Variants in EXD3 observed in about 807,000 individuals in gnomAD.
The protein encoded by EXD3 is exonuclease 3'-5' domain containing 3, also known as exonuclease mut-7 homolog.
In EXD3, 92 loss-of-function variants were observed where a neutral mutation model predicts 98.0. The ratio of observed to expected loss-of-function variants is 0.94; its 90% CI spans 0.79 to 1.12. The LOEUF (loss-of-function observed/expected upper bound fraction) is 1.12, where lower values mean the gene tolerates loss of function less well. Among genes scored for constraint, EXD3 ranks in the 50% most tolerant of loss-of-function variants. The pLI is 0.00. For synonymous variants in EXD3, 569 were observed against 526.0 expected, an observed-to-expected ratio of 1.08 and a Z score of -1.12; for missense variants, 1,222 against 1,191.6, an observed-to-expected ratio of 1.03 and a Z score of -0.38.
At chr9:137,308,124 A>T (rs1227131467) in intron 20 of EXD3, among the ~76,000 whole-genome samples, 2 of 151,918 alleles carry the variant, frequency 1.3e-5, no homozygotes, top group Non-Finnish European at 2.9e-5. Context: ...TGAGGCCCCG[A>T]GCCCCCATTG....
chr9:137,374,565 A>G (rs1564524652), intron 3 of EXD3: 1 of 985,486 alleles, frequency 1.0e-6, no homozygotes, highest in East Asian at 1.1e-4. Context: ...CCAGCACCTG[A>G]CAAATCTCCC....
chr9:137,307,194 T>C lies in EXD3; in HGVS notation c.2387A>G (p.Asp796Gly), dbSNP rs1831088862. 6.3e-7 allele frequency: 1 copy of C among 1,585,440 alleles called. No homozygotes were observed. The highest frequency in any genetic ancestry group is 8.6e-7 in the Non-Finnish European group (1 of 1,167,096). The part of the protein sequence containing the change: ...DRPCRWLQMA[D>G]LRAETPDMLA... ...CATGTCCGGTGTCTCCGCCCGCAGG[T>C]CAGCCATCTGCAGCCAGCGGCAGGG... Residue 796 changes from aspartate to glycine, a missense_variant, in exon 22 of 22, where the codon GAC becomes GGC. Physicochemically the swap from Asp to Gly is moderately conservative, Grantham distance 94 (BLOSUM62 -1). Transcript: ENST00000340951.
In EXD3 at chr9:137,395,249, C is replaced by T. The variant is rs1175350857; in HGVS notation, c.55+54G>A. On this transcript the variant is annotated intron_variant, in intron 2 of 21. Transcript: ENST00000340951. The surrounding 1 kb of genome is among the most constrained non-coding windows in gnomAD (Gnocchi z 6.5). Reference sequence around the variant, plus strand: ...CGCCACCACCCCCCATGCACACCCACGCACCTCCCCCCACAGCCCCAGGGA... The same window carrying T: ...CGCCACCACCCCCCATGCACACCCATGCACCTCCCCCCACAGCCCCAGGGA... 27 of 1,525,864 alleles carry T rather than the reference C, an allele frequency of 1.8e-5. No homozygotes were observed. The highest frequency in any genetic ancestry group is 3.5e-4 in the Middle Eastern group (2 of 5,762). The allele number at this position is 1,525,864 out of a possible 1,614,324, so 94.5% of individuals were successfully genotyped here. A position where few individuals can be genotyped will look rare whatever the true frequency, so the allele number is the denominator to read the frequency against.
chr9:137,353,906 C>T (rs930598810), intron 10 of EXD3: 114 of 1,000,146 alleles, frequency 1.1e-4, no homozygotes, highest in Admixed American at 2.4e-4. Flanking sequence ...GACGACAATA[C>T]GTGGAAGCCG....
At chr9:137,308,419 G>T (rs1166150871) in intron 20 of EXD3, among the ~76,000 whole-genome samples, 2 of 152,090 alleles carry the variant, frequency 1.3e-5, no homozygotes, top group Non-Finnish European at 2.9e-5. Context: ...TTACCCTGCA[G>T]TCCCTGTCAC....
intron 19 of EXD3, among the ~76,000 whole-genome samples, chr9:137,313,541 G>T (rs771678093): frequency 2.0e-5 from 3 of 152,136 alleles, no homozygotes; most frequent in Non-Finnish European, 4.4e-5. Context: ...GGCCTCTTTG[G>T]GGCCTCCTGC....
At chr9:137,378,240 ACT>A (rs1434095256) in intron 3 of EXD3, among the ~76,000 whole-genome samples, 4 of 144,468 alleles carry the variant, frequency 2.8e-5, no homozygotes, top group Non-Finnish European at 6.1e-5. Flanking sequence ...ATGGAGTCTC[ACT>A]CTGTCGTCCA....
intron 17 of EXD3, among the ~76,000 whole-genome samples, chr9:137,325,515 C>T (rs1263995646): frequency 6.6e-6 from 1 of 152,242 alleles, no homozygotes; most frequent in Non-Finnish European, 1.5e-5. Flanking sequence ...TCACTGCAAG[C>T]TCTGCCTCCC....
At chr9:137,365,657 A>G (rs1178064158) in intron 7 of EXD3, 1 of 246,784 alleles carries the variant, frequency 4.1e-6, no homozygotes, top group African/African-American at 2.3e-5. Context: ...ACATGTACAC[A>G]CACCACACGC....
intron 14 of EXD3, among the ~76,000 whole-genome samples, chr9:137,350,277 G>A (rs1834202059): frequency 9.2e-6 from 1 of 108,182 alleles, no homozygotes; most frequent in East Asian, 3.3e-4. Context: ...GATAGAGAGG[G>A]GTGGGGATTA....
At chr9:137,318,980 C>T (rs1260231408) in intron 19 of EXD3, among the ~76,000 whole-genome samples, 1 of 152,258 alleles carries the variant, frequency 6.6e-6, no homozygotes, top group Non-Finnish European at 1.5e-5. Flanking sequence ...GTTGAGCGGG[C>T]TTTCCCTCCG....
At chr9:137,390,432 C>A (rs9696133) in intron 2 of EXD3, among the ~76,000 whole-genome samples, 68,607 of 127,754 alleles carry the variant, frequency 0.54, 15,887 homozygotes, top group Middle Eastern at 0.59. Flanking sequence ...ATTCTGTTGC[C>A]AAAAAAAAAA....
chr9:137,418,008 G>T (rs565132234), intron 1 of EXD3, among the ~76,000 whole-genome samples: 1 of 152,166 alleles, frequency 6.6e-6, no homozygotes, highest in Non-Finnish European at 1.5e-5. Context: ...GACCCCCGGG[G>T]CTGGCAGGAG....
chr9:137,316,593 G>T (rs894861996), intron 19 of EXD3, among the ~76,000 whole-genome samples: 2 of 152,366 alleles, frequency 1.3e-5, no homozygotes, highest in Admixed American at 6.5e-5. Flanking sequence ...CCCTCCAGGA[G>T]CGGTGATGGT....
intron 1 of EXD3, among the ~76,000 whole-genome samples, chr9:137,421,792 C>T (rs1434765354): frequency 6.6e-6 from 1 of 152,186 alleles, no homozygotes; most frequent in Non-Finnish European, 1.5e-5. Flanking sequence ...GAGTGGGAAT[C>T]GTGCCTCTGC....
intron 2 of EXD3, among the ~76,000 whole-genome samples, chr9:137,384,118 C>T (rs971386466): frequency 1.3e-5 from 2 of 152,164 alleles, no homozygotes; most frequent in South Asian, 2.1e-4. Context: ...GGGTGGATTC[C>T]GCAGTGAACT....
At chr9:137,330,856 G>T (rs1179492389) in intron 17 of EXD3, among the ~76,000 whole-genome samples, 3 of 152,172 alleles carry the variant, frequency 2.0e-5, no homozygotes, top group Non-Finnish European at 4.4e-5. Flanking sequence ...CCAGAGGAAG[G>T]TCTGCCATGC....
intron 1 of EXD3, among the ~76,000 whole-genome samples, chr9:137,396,627 C>T (rs951536311): frequency 3.9e-5 from 6 of 152,216 alleles, no homozygotes; most frequent in South Asian, 4.1e-4. Context: ...TCGGCCAACA[C>T]GCACCCCTAA....
chr9:137,417,510 G>A (rs1052538756), intron 1 of EXD3, among the ~76,000 whole-genome samples: 2 of 152,166 alleles, frequency 1.3e-5, no homozygotes, highest in African/African-American at 2.4e-5. Context: ...CCGTTCCTCG[G>A]AAAGTCGAAC....
Sources: allele counts gnomAD v4.1 joint callset (sites outside exome capture counted in the v4.1 genomes callset), GRCh38; gene constraint gnomAD v4.1.1; non-coding constraint Gnocchi (gnomAD v3.1); transcripts MANE v1.5; gene names NCBI Gene and HGNC (gene_info 2026-07-23, HGNC 2026-07-21).